Variants in ADAMTS16 observed in about 807,000 individuals in gnomAD.
ADAMTS16 encodes the protein ADAM metallopeptidase with thrombospondin type 1 motif 16.
A neutral mutation model predicts 145.8 loss-of-function variants in ADAMTS16; 94 were observed. The observed-to-expected ratio is 0.64, with a 90% CI of 0.55 to 0.77. The LOEUF (loss-of-function observed/expected upper bound fraction) is 0.77. Among genes scored for constraint, ADAMTS16 ranks in the 30% least tolerant of loss-of-function variants. The pLI is 0.00. For synonymous variants in ADAMTS16, 659 were observed against 604.3 expected (o/e 1.09, Z -1.33); for missense variants, 1,585 against 1,591.5 (o/e 1.00, Z 0.07).
intron 18 of ADAMTS16, among the ~76,000 whole-genome samples, chr5:5,273,759 T>C (rs578177397): frequency 2.0e-5 from 3 of 152,342 alleles, no homozygotes; most frequent in Non-Finnish European, 2.9e-5. Context: ...CCTGCATACG[T>C]CTCTAATGAA....
chr5:5,185,937 T>TGTG (rs766914406), intron 4 of ADAMTS16, 115 bp from the exon 5 acceptor site: 11 of 817,728 alleles, frequency 1.3e-5, no homozygotes, highest in Non-Finnish European at 2.0e-5. Context: ...TAAAGGTTTA[T>TGTG]GTGGTTTTTA....
intron 6 of ADAMTS16, 133 bp from the exon 7 acceptor site, chr5:5,189,838 T>A: frequency 9.1e-7 from 1 of 1,093,964 alleles, no homozygotes; most frequent in Non-Finnish European, 1.3e-6. Flanking sequence ...AATACACGCG[T>A]TAGCTTATAT....
In ADAMTS16 at chr5:5,209,219, C is replaced by T; in HGVS notation, c.1578C>T (p.Ala526=). The T allele has an allele frequency of 6.2e-7, 1 of 1,613,892 alleles. No individual in the cohort carries two copies. Among genetic ancestry groups the T allele is most frequent in the Non-Finnish European group, 8.5e-7 (1 of 1,179,846 alleles). ...TQCKWQFGEK[A]KLCMLDFKKD... is the part of the protein sequence containing the mutation. ...GCAAGTGGCAGTTCGGAGAGAAAGC[C>T]AAGCTCTGCATGCTGGACTTTAAAA... is the stretch of plus-strand genomic sequence containing the variant. The change falls in exon 10 of 23, where the codon GCC becomes GCT. Residue 526 remains alanine, a synonymous_variant. Coordinates refer to ENST00000274181, the MANE Select transcript of ADAMTS16 (RefSeq NM_139056.4).
intron 10 of ADAMTS16, among the ~76,000 whole-genome samples, chr5:5,218,074 A>C (rs1018896835): frequency 2.0e-5 from 3 of 152,200 alleles, no homozygotes; most frequent in Non-Finnish European, 4.4e-5. Context: ...AAGACTCTGA[A>C]GTTTCATTAA....
chr5:5,271,547 G>A (rs1350055731), intron 18 of ADAMTS16, among the ~76,000 whole-genome samples: 1 of 152,216 alleles, frequency 6.6e-6, no homozygotes, highest in Non-Finnish European at 1.5e-5. Context: ...TTTGAAACAT[G>A]GATGATAAAT....
chr5:5,201,957 T>C (rs573823754), intron 9 of ADAMTS16, among the ~76,000 whole-genome samples: 8 of 152,284 alleles, frequency 5.3e-5, no homozygotes, highest in Admixed American at 6.5e-5. Context: ...ATTTAATTAA[T>C]AGAGCTCTTT....
chr5:5,231,674 G>A (rs1579327600), intron 11 of ADAMTS16, among the ~76,000 whole-genome samples: 1 of 152,350 alleles, frequency 6.6e-6, no homozygotes, highest in African/African-American at 2.4e-5. Flanking sequence ...GTGTTAAATA[G>A]TGCATAGCAC....
At chr5:5,213,588 G>A (rs984397976) in intron 10 of ADAMTS16, among the ~76,000 whole-genome samples, 22 of 151,956 alleles carry the variant, frequency 1.4e-4, no homozygotes, top group African/African-American at 2.9e-4. Flanking sequence ...TTTGATCCCC[G>A]AAGACTTTGC....
chr5:5,148,045 T>C (rs1205201925), intron 3 of ADAMTS16, among the ~76,000 whole-genome samples: 1 of 152,152 alleles, frequency 6.6e-6, no homozygotes, highest in East Asian at 1.9e-4. Context: ...AAGTTAACAG[T>C]AAAGTAAGTG....
Position 5,319,585 on chromosome 5 carries a change from G to A in ADAMTS16, c.*447G>A, listed in dbSNP as rs896417696. The A allele has an allele frequency of 1.7e-5, 5 of 296,158 alleles. No individual in the cohort carries two copies. Among genetic ancestry groups the A allele is most frequent in the Non-Finnish European group, 3.3e-5 (5 of 153,548 alleles). 18.3% of individuals were successfully genotyped at this position (296,158 alleles called of 1,614,324 possible). ...GTTCACCAGCCTCCCCTCCCACTAG[G>A]AGGGCCCCTCGAGCCATCAGGAGTG... On this transcript the variant is annotated 3_prime_UTR_variant, in exon 23 of 23. Transcript: ENST00000274181.
At chr5:5,260,503 G>A (rs376727004) in intron 17 of ADAMTS16, among the ~76,000 whole-genome samples, 1 of 152,184 alleles carries the variant, frequency 6.6e-6, no homozygotes, top group Non-Finnish European at 1.5e-5. Flanking sequence ...ACTTACCTGG[G>A]TTAAATATAT....
intron 7 of ADAMTS16, among the ~76,000 whole-genome samples, 163 bp downstream of exon 7, chr5:5,190,293 A>G (rs936871695): frequency 6.6e-6 from 1 of 152,224 alleles, no homozygotes; most frequent in Non-Finnish European, 1.5e-5. Flanking sequence ...AGCCAAACAT[A>G]GAAGTACGCT....
intron 17 of ADAMTS16, among the ~76,000 whole-genome samples, chr5:5,255,452 TG>T (rs2126416491): frequency 6.6e-6 from 1 of 152,372 alleles, no homozygotes; most frequent in East Asian, 1.9e-4. Flanking sequence ...GTCAGAAAGT[TG>T]CAGAAAATTT....
At chr5:5,203,720 A>G (rs1736016335) in intron 9 of ADAMTS16, among the ~76,000 whole-genome samples, 1 of 152,160 alleles carries the variant, frequency 6.6e-6, no homozygotes, top group African/African-American at 2.4e-5. Context: ...ATTATTTTAA[A>G]TTTCATGACA....
At position 5,303,660 on chromosome 5, in the gene ADAMTS16, A is replaced by AGCAGAGCGCAG; in HGVS notation, c.3080_3081insGCAGAGCGCAG (p.Asp1027GlufsTer43). On this transcript the variant is annotated frameshift_variant, in exon 20 of 23. Coordinates refer to ENST00000274181, the MANE Select transcript of ADAMTS16 (RefSeq NM_139056.4). LOFTEE classifies it high-confidence loss of function. ...TCGGCCAGAGCGCAGCTGCTGCCCGACGCTGTCTGCACCTCCGAGCCCAAG... is the reference window on the plus strand; with the variant it reads ...TCGGCCAGAGCGCAGCTGCTGCCCGAGCAGAGCGCAGCGCTGTCTGCACCTCCGAGCCCAAG... 1 of 1,613,882 alleles carries AGCAGAGCGCAG rather than the reference A, an allele frequency of 6.2e-7. No individual in the cohort carries two copies. The highest frequency in any genetic ancestry group is 8.5e-7 in the Non-Finnish European group (1 of 1,180,008).
chr5:5,276,119 A>G (rs1216437111), intron 18 of ADAMTS16, among the ~76,000 whole-genome samples: 1 of 151,710 alleles, frequency 6.6e-6, no homozygotes, highest in Non-Finnish European at 1.5e-5. Context: ...TTGGCCTCCC[A>G]AACTGCTGGG....
At chr5:5,240,005 A>T in intron 16 of ADAMTS16, 80 bp downstream of exon 16, 37 of 1,548,108 alleles carry the variant, frequency 2.4e-5, no homozygotes, top group Non-Finnish European at 3.0e-5. Context: ...CTGTTGGCAT[A>T]ATTTTAAGAA....
At chr5:5,243,444 A>G (rs1237988800) in intron 17 of ADAMTS16, among the ~76,000 whole-genome samples, 1 of 152,198 alleles carries the variant, frequency 6.6e-6, no homozygotes, top group African/African-American at 2.4e-5. Flanking sequence ...AGGACATTGT[A>G]TGCTCTTCTC....
At chr5:5,314,595 T>C (rs1000760088) in intron 21 of ADAMTS16, among the ~76,000 whole-genome samples, 2 of 152,230 alleles carry the variant, frequency 1.3e-5, no homozygotes, top group African/African-American at 4.8e-5. Context: ...TCTTTATCCA[T>C]TCAAAATATT....
Sources: gnomAD v4.1 joint callset for allele counts (sites outside exome capture counted in the v4.1 genomes callset) on GRCh38, gnomAD v4.1.1 for gene constraint, MANE v1.5 for transcripts, NCBI Gene and HGNC (gene_info 2026-07-23, HGNC 2026-07-21) for gene names.